WDR70: variants seen among roughly 807,000 people sequenced by gnomAD.
WDR70 encodes WD repeat domain 70, also known as WD repeat-containing protein 70.
In WDR70, 53 loss-of-function variants were observed where a neutral mutation model predicts 88.6. That is an observed-to-expected ratio of 0.60 (90% CI 0.48 to 0.75). The LOEUF (loss-of-function observed/expected upper bound fraction) is 0.75, where lower values mean the gene tolerates loss of function less well. Among genes scored for constraint, WDR70 ranks in the 30% least tolerant of loss-of-function variants. The pLI, the probability that WDR70 is intolerant of heterozygous loss-of-function variation, is 0.00. For missense variants in WDR70, 610 were observed against 823.2 expected, an observed-to-expected ratio of 0.74 and a Z score of 3.17; for synonymous variants, 280 against 270.0, an observed-to-expected ratio of 1.04 and a Z score of -0.36.
intron 8 of WDR70, among the ~76,000 whole-genome samples, chr5:37,489,537 T>A (rs1581331178): frequency 6.6e-6 from 1 of 151,348 alleles, no homozygotes; most frequent in African/African-American, 2.4e-5. Flanking sequence ...CCCTAGGGGG[T>A]GTAGATAGAT....
intron 8 of WDR70, among the ~76,000 whole-genome samples, chr5:37,510,326 A>C (rs1363731660): frequency 1.3e-5 from 2 of 152,110 alleles, no homozygotes; most frequent in Non-Finnish European, 2.9e-5. Context: ...ACACTCATAT[A>C]TATATGCATA....
At chr5:37,560,684 CTCTTTG>C (rs1410849866) in intron 9 of WDR70, among the ~76,000 whole-genome samples, 3 of 151,968 alleles carry the variant, frequency 2.0e-5, no homozygotes, top group Admixed American at 1.3e-4. Context: ...GAGACTAGGC[CTCTTTG>C]TTAGCAGCTA....
chr5:37,521,970 A>G (rs1228331260), intron 9 of WDR70, among the ~76,000 whole-genome samples: 1 of 152,162 alleles, frequency 6.6e-6, no homozygotes, highest in African/African-American at 2.4e-5. Context: ...GGTAGTTTAC[A>G]TTCCCGCAAA....
chr5:37,384,915 C>T (rs1330449283), intron 3 of WDR70, among the ~76,000 whole-genome samples: 1 of 152,144 alleles, frequency 6.6e-6, no homozygotes, highest in Non-Finnish European at 1.5e-5. Flanking sequence ...TGCCTTCACT[C>T]AGACACTAAT....
At chr5:37,656,538 C>T (rs1034538273) in intron 10 of WDR70, among the ~76,000 whole-genome samples, 10 of 152,224 alleles carry the variant, frequency 6.6e-5, no homozygotes, top group African/African-American at 1.4e-4. Context: ...GCTGAAGCTG[C>T]GCCCACAGCT....
intron 7 of WDR70, among the ~76,000 whole-genome samples, chr5:37,444,162 TAAAAA>T (rs982341333): frequency 2.1e-5 from 3 of 144,672 alleles, no homozygotes. Flanking sequence ...ACAAAAAAAT[TAAAAA>T]AAAAACAAAA....
intron 9 of WDR70, among the ~76,000 whole-genome samples, chr5:37,554,674 G>GCACA (rs1165312022): frequency 4.3e-5 from 4 of 92,522 alleles, no homozygotes; most frequent in Admixed American, 2.3e-4. Context: ...GCATGCACCT[G>GCACA]CACGCACACA....
At chr5:37,442,906 T>A (rs1750698889) in intron 6 of WDR70, among the ~76,000 whole-genome samples, 1 of 152,230 alleles carries the variant, frequency 6.6e-6, no homozygotes, top group African/African-American at 2.4e-5. Context: ...TTGTAATTAT[T>A]TGTAAGATTT....
At chr5:37,635,231 C>A (rs1290106926) in intron 10 of WDR70, among the ~76,000 whole-genome samples, 1 of 152,114 alleles carries the variant, frequency 6.6e-6, no homozygotes, top group East Asian at 1.9e-4. Context: ...ACTGAAATGG[C>A]ACAGTTATCC....
chr5:37,399,617 T>C (rs1443608109), intron 5 of WDR70, among the ~76,000 whole-genome samples: 1 of 152,228 alleles, frequency 6.6e-6, no homozygotes, highest in Non-Finnish European at 1.5e-5. Context: ...TTTTAAATTC[T>C]TTTGCCAACC....
intron 10 of WDR70, among the ~76,000 whole-genome samples, chr5:37,680,582 G>A (rs1746396892): frequency 6.6e-6 from 1 of 152,146 alleles, no homozygotes; most frequent in Non-Finnish European, 1.5e-5. Context: ...TGTACATGGT[G>A]TAAGGAACAG....
chr5:37,556,244 A>G (rs571448455), intron 9 of WDR70, among the ~76,000 whole-genome samples: 19 of 151,482 alleles, frequency 1.3e-4, no homozygotes, highest in Non-Finnish European at 2.1e-4. Flanking sequence ...ATTTTTGTGT[A>G]CTAATTCTTG....
chr5:37,725,335 C>T (rs1581529238), intron 16 of WDR70, among the ~76,000 whole-genome samples: 2 of 151,860 alleles, frequency 1.3e-5, no homozygotes, highest in South Asian at 2.1e-4. Flanking sequence ...CAGGGGAACT[C>T]GGGGGCTCAG....
intron 9 of WDR70, among the ~76,000 whole-genome samples, chr5:37,546,407 T>C (rs925065568): frequency 1.3e-5 from 2 of 152,346 alleles, no homozygotes; most frequent in African/African-American, 2.4e-5. Flanking sequence ...AAGTTTGTTA[T>C]GTTTTACTAT....
At chr5:37,500,827 G>A (rs1003101251) in intron 8 of WDR70, among the ~76,000 whole-genome samples, 11 of 141,414 alleles carry the variant, frequency 7.8e-5, no homozygotes, top group African/African-American at 2.8e-4. Context: ...CCGGGTTCAA[G>A]CTATTCTCCT....
chr5:37,603,463 A>G (rs1451489717), intron 9 of WDR70, among the ~76,000 whole-genome samples: 3 of 152,198 alleles, frequency 2.0e-5, no homozygotes, highest in Admixed American at 2.0e-4. Context: ...TCAACTCAAG[A>G]TGGATTAAAG....
intron 3 of WDR70, among the ~76,000 whole-genome samples, chr5:37,390,550 C>T (rs182934324): frequency 3.0e-4 from 45 of 151,534 alleles, no homozygotes; most frequent in Admixed American, 6.6e-4. Flanking sequence ...CCTTGTTAGC[C>T]GGGATGGTCT....
chr5:37,471,049 A>G (rs1458307396), intron 7 of WDR70, among the ~76,000 whole-genome samples: 1 of 152,012 alleles, frequency 6.6e-6, no homozygotes, highest in Non-Finnish European at 1.5e-5. Flanking sequence ...ACGCATGGCT[A>G]ATTTTTGCAT....
At chr5:37,634,173 C>T (rs562825101) in intron 10 of WDR70, among the ~76,000 whole-genome samples, 29 of 151,824 alleles carry the variant, frequency 1.9e-4, no homozygotes, top group African/African-American at 6.0e-4. Flanking sequence ...GTGGCAGGTG[C>T]CTGTAGTCCC....
Sources: gnomAD v4.1 joint callset for allele counts (sites outside exome capture counted in the v4.1 genomes callset) on GRCh38, gnomAD v4.1.1 for gene constraint, MANE v1.5 for transcripts, NCBI Gene and HGNC (gene_info 2026-07-23, HGNC 2026-07-21) for gene names.